SCN1A: variants seen among roughly 807,000 people sequenced by gnomAD.
The protein encoded by SCN1A is sodium channel protein type 1 subunit alpha.
A neutral mutation model predicts 193.7 loss-of-function variants in SCN1A; 13 were observed. The ratio of observed to expected loss-of-function variants is 0.07; its 90% CI spans 0.04 to 0.11. The LOEUF (loss-of-function observed/expected upper bound fraction) is 0.11. SCN1A is among the 10% of genes least tolerant of loss of function. SCN1A has a pLI of 1.00. For synonymous variants in SCN1A, 781 were observed against 843.6 expected (o/e 0.93, Z 1.29); for missense variants, 1,432 against 2,451.1 (o/e 0.58, Z 8.78).
intron 21 of SCN1A, among the ~76,000 whole-genome samples, chr2:166,012,707 G>C (rs561601956): frequency 7.0e-6 from 1 of 143,032 alleles, no homozygotes; most frequent in Non-Finnish European, 1.5e-5. Context: ...ATTGATCTTC[G>C]CAGTCTCCAA....
At chr2:166,121,542 C>T (rs1690595677) in intron 2 of SCN1A, among the ~76,000 whole-genome samples, 2 of 152,130 alleles carry the variant, frequency 1.3e-5, no homozygotes, top group Admixed American at 1.3e-4. Flanking sequence ...CATTTTATTT[C>T]TGCCCCCACT....
chr2:166,068,138 C>G (rs758533679), intron 4 of SCN1A, among the ~76,000 whole-genome samples: 1 of 152,114 alleles, frequency 6.6e-6, no homozygotes, highest in African/African-American at 2.4e-5. Context: ...AAGGAGTACC[C>G]TCATGACATT....
chr2:166,141,570 T>C (rs113729312), intron 1 of SCN1A, among the ~76,000 whole-genome samples: 1,650 of 152,184 alleles, frequency 0.011, 36 homozygotes, highest in African/African-American at 0.037. Context: ...ACACAATATA[T>C]ATGGCTGTAA....
chr2:166,036,276 T>C lies in SCN1A; in HGVS notation c.3201A>G (p.Ala1067=). The change falls in exon 19 of 29, where the codon GCA becomes GCG. Residue 1067 remains alanine (A), a synonymous_variant. Coordinates refer to ENST00000674923, the MANE Select transcript of SCN1A (RefSeq NM_001165963.4). ...GATAGTCAAGATCTTTCCCAATTTC[T>C]GCTGTATGATTGGACATACAACTGT... The part of the protein sequence containing the change: ...KKDSCMSNHT[A]EIGKDLDYLK... 1.2e-6 allele frequency: 2 copies of C among 1,613,866 alleles called. No individual in the cohort carries two copies. The highest frequency in any genetic ancestry group is 1.7e-6 in the Non-Finnish European group (2 of 1,179,810).
At chr2:166,018,808 A>G (rs1271786389) in intron 19 of SCN1A, among the ~76,000 whole-genome samples, 1 of 152,252 alleles carries the variant, frequency 6.6e-6, no homozygotes, top group East Asian at 1.9e-4. Flanking sequence ...ATGTTAGGAA[A>G]GTAAAACTTA....
rs777617798 is a variant in SCN1A at position 165,991,793 on chromosome 2, A to G, written c.5482T>C (p.Leu1828=). The change falls in exon 29 of 29, where the codon TTA becomes CTA. Residue 1828 remains leucine (L), a synonymous_variant. Transcript: ENST00000674923. ...TCAAGCGCAGCTGCAAACTGAGATAATTTTTCAAATTCCATGAACTGAGTT... is the reference window on the plus strand; with the variant it reads ...TCAAGCGCAGCTGCAAACTGAGATAGTTTTTCAAATTCCATGAACTGAGTT... The part of the protein sequence containing the change: ...DATQFMEFEK[L]SQFAAALEPP... 1 of 1,613,874 alleles carries G rather than the reference A, an allele frequency of 6.2e-7. No homozygotes were observed. Among genetic ancestry groups the G allele is most frequent in the Non-Finnish European group, 8.5e-7 (1 of 1,179,918 alleles).
intron 19 of SCN1A, among the ~76,000 whole-genome samples, chr2:166,018,835 C>T (rs1032339764): frequency 4.6e-5 from 7 of 152,076 alleles, no homozygotes; most frequent in Non-Finnish European, 8.8e-5. Flanking sequence ...ATTTTAAGTA[C>T]ATGAGCAAGC....
At chr2:166,147,894 A>G (rs988499108) in intron 1 of SCN1A, among the ~76,000 whole-genome samples, 2 of 152,164 alleles carry the variant, frequency 1.3e-5, no homozygotes, top group African/African-American at 4.8e-5. Context: ...CTTTAATTTA[A>G]TTTTTAAAAT....
Position 166,041,124 on chromosome 2 carries a change from A to G in SCN1A, c.2415+107T>C, listed in dbSNP as rs1481290593. 5 of 912,082 alleles carry G rather than the reference A, an allele frequency of 5.5e-6. No homozygotes were observed. The Admixed American group carries it at 7.0e-5, about 13-fold the overall frequency. The allele number at this position is 912,082 out of a possible 1,614,324, so 56.5% of individuals were successfully genotyped here. On this transcript the variant is annotated intron_variant, in intron 16 of 28. Transcript: ENST00000674923. ...ATATAATTGCGATTTTGCAGGGGCC[A>G]GGAAGCATGAAGGATGGTTGAAAGA...
chr2:166,013,807 T>A lies in SCN1A; in HGVS notation c.3642A>T (p.Ile1214=). 1 of 1,612,372 alleles carries A rather than the reference T, an allele frequency of 6.2e-7. No homozygotes were observed. Among genetic ancestry groups the A allele is most frequent in the Non-Finnish European group, 8.5e-7 (1 of 1,178,706 alleles). The change falls in exon 21 of 29, where the codon ATA becomes ATT. Residue 1214 remains isoleucine (I), a synonymous_variant. Coordinates refer to ENST00000674923, the MANE Select transcript of SCN1A (RefSeq NM_001165963.4). ...WWNLRRTCFR[I]VEHNWFETFI... is the part of the protein sequence containing the mutation. ...AGGTCTCAAACCAGTTATGTTCAAC[T>A]ATTCGGAAACACGTCCTTCTCAGGT...
At chr2:166,029,060 C>A (rs949208689) in intron 19 of SCN1A, among the ~76,000 whole-genome samples, 9 of 152,038 alleles carry the variant, frequency 5.9e-5, no homozygotes, top group Admixed American at 1.3e-4. Flanking sequence ...ACTGATAAAG[C>A]ATAGGGAATT....
chr2:166,135,101 C>T (rs186374958), intron 1 of SCN1A, among the ~76,000 whole-genome samples: 10 of 152,104 alleles, frequency 6.6e-5, no homozygotes, highest in Admixed American at 6.5e-4. Flanking sequence ...TCAGCAATCC[C>T]CCCTACCCCC....
chr2:166,045,440 C>G, intron 12 of SCN1A, 113 bp from the exon 13 acceptor site: 1 of 1,198,940 alleles, frequency 8.3e-7, no homozygotes, highest in South Asian at 1.3e-5. Flanking sequence ...GACTGAAGAT[C>G]ATCTCACAGA....
At chr2:166,148,087 C>T (rs1458659668) in intron 1 of SCN1A, among the ~76,000 whole-genome samples, 1 of 152,178 alleles carries the variant, frequency 6.6e-6, no homozygotes, top group Non-Finnish European at 1.5e-5. Context: ...CTCATGTCAT[C>T]CTGTCCAAGG....
intron 19 of SCN1A, among the ~76,000 whole-genome samples, chr2:166,021,340 A>G (rs1238583215): frequency 1.3e-5 from 2 of 152,180 alleles, no homozygotes; most frequent in East Asian, 3.9e-4. Flanking sequence ...TATATAATGT[A>G]AATAAATGAG....
At chr2:165,995,421 C>A (rs556560051) in intron 27 of SCN1A, among the ~76,000 whole-genome samples, 1 of 151,754 alleles carries the variant, frequency 6.6e-6, no homozygotes, top group East Asian at 1.9e-4. Context: ...ATCATGGAAG[C>A]ATGAGTATTG....
At chr2:166,029,536 G>A (rs776025483) in intron 19 of SCN1A, among the ~76,000 whole-genome samples, 11 of 152,098 alleles carry the variant, frequency 7.2e-5, no homozygotes, top group Non-Finnish European at 1.5e-4. Context: ...ATTGTCGTAT[G>A]TTCCTTAACC....
At chr2:166,091,554 G>A (rs967280681) in intron 2 of SCN1A, among the ~76,000 whole-genome samples, 5 of 152,116 alleles carry the variant, frequency 3.3e-5, no homozygotes, top group African/African-American at 1.2e-4. Context: ...ATGGGTAAAG[G>A]ACATGAACCA....
chr2:166,050,613 G>GTATATATATATATATATATATATATA (rs368513344), intron 9 of SCN1A, among the ~76,000 whole-genome samples: 109 of 65,022 alleles, frequency 1.7e-3, no homozygotes, highest in Non-Finnish European at 2.1e-3. Context: ...ATTAAAAAAA[G>GTATATATATATATATATATATATATA]TATATATATA....
Sources: gnomAD v4.1 joint callset for allele counts (sites outside exome capture counted in the v4.1 genomes callset) on GRCh38, gnomAD v4.1.1 for gene constraint, MANE v1.5 for transcripts, NCBI Gene and HGNC (gene_info 2026-07-23, HGNC 2026-07-21) for gene names.